PTPRD: variants seen among roughly 807,000 people sequenced by gnomAD.
PTPRD encodes the protein receptor-type tyrosine-protein phosphatase delta.
In PTPRD, 34 loss-of-function variants were observed where a neutral mutation model predicts 214.5. The observed-to-expected ratio is 0.16, with a 90% CI of 0.12 to 0.21. The LOEUF (loss-of-function observed/expected upper bound fraction) is 0.21. Among genes scored for constraint, PTPRD ranks in the 10% least tolerant of loss-of-function variants. PTPRD has a pLI of 1.00. For synonymous variants in PTPRD, 1,128 were observed against 845.7 expected (o/e 1.33, Z -5.79); for missense variants, 2,545 against 2,398.7 (o/e 1.06, Z -1.27).
At chr9:10,189,731 T>C (rs1009818276) in intron 3 of PTPRD, among the ~76,000 whole-genome samples, 2 of 152,104 alleles carry the variant, frequency 1.3e-5, no homozygotes, top group African/African-American at 2.4e-5. Context: ...CAAGGCACTA[T>C]AAGAAAATAC....
intron 10 of PTPRD, among the ~76,000 whole-genome samples, chr9:9,023,403 A>G (rs543324884): frequency 1.3e-5 from 2 of 152,134 alleles, no homozygotes; most frequent in African/African-American, 4.8e-5. Context: ...GCTGAATATG[A>G]ATTTTTGGCA....
chr9:9,405,746 C>T (rs1486770166), intron 8 of PTPRD, among the ~76,000 whole-genome samples: 1 of 151,972 alleles, frequency 6.6e-6, no homozygotes, highest in Non-Finnish European at 1.5e-5. Flanking sequence ...TTGGGGGAGA[C>T]AGTTTAACAA....
Position 8,351,845 on chromosome 9 carries a change from C to T in PTPRD, c.4662-9867G>A, listed in dbSNP as rs563096268. On this transcript the variant is annotated intron_variant, in intron 39 of 45. Coordinates refer to ENST00000381196, the MANE Select transcript of PTPRD (RefSeq NM_002839.4). ...AAAATGTAGTACACTTGAGTGGTGT[C>T]TTCTGAGGATAAAGGAAGTTCACAT... 8.4e-4 allele frequency among the ~76,000 whole-genome samples: 125 copies of T among 149,054 alleles called. 1 individual carries two copies. The highest frequency in any genetic ancestry group is 2.9e-3 in the African/African-American group (115 of 40,068).
chr9:10,414,779 C>A (rs983506043), intron 2 of PTPRD, among the ~76,000 whole-genome samples: 13 of 151,840 alleles, frequency 8.6e-5, no homozygotes, highest in African/African-American at 2.7e-4. Flanking sequence ...GAGATCATAT[C>A]TTTTGTGGAA....
intron 2 of PTPRD, among the ~76,000 whole-genome samples, chr9:10,456,278 T>G (rs928506140): frequency 6.6e-5 from 10 of 151,958 alleles, no homozygotes; most frequent in African/African-American, 2.2e-4. Context: ...TTCATAGCTA[T>G]CATTGTTTAA....
chr9:8,695,220 T>C (rs1254144089), intron 12 of PTPRD, among the ~76,000 whole-genome samples: 1 of 152,154 alleles, frequency 6.6e-6, no homozygotes, highest in East Asian at 1.9e-4. Context: ...TTGGTGCCAA[T>C]CTTGTGAGTA....
chr9:10,529,304 G>T (rs1198928215), intron 2 of PTPRD, among the ~76,000 whole-genome samples: 1 of 152,038 alleles, frequency 6.6e-6, no homozygotes, highest in African/African-American at 2.4e-5. Flanking sequence ...CAATAGCAAA[G>T]ACTTGGAACC....
At chr9:8,487,003 A>G (rs76454520) in intron 27 of PTPRD, among the ~76,000 whole-genome samples, 1 of 152,110 alleles carries the variant, frequency 6.6e-6, no homozygotes, top group Admixed American at 6.5e-5. Context: ...TTAAAAAAAA[A>G]CCAAACTACA....
intron 9 of PTPRD, among the ~76,000 whole-genome samples, chr9:9,335,809 T>G (rs1031997411): frequency 6.6e-6 from 1 of 152,106 alleles, no homozygotes; most frequent in Non-Finnish European, 1.5e-5. Flanking sequence ...CGTAGATGTC[T>G]AAACTTCAAA....
At chr9:9,076,452 T>G (rs1384145785) in intron 10 of PTPRD, among the ~76,000 whole-genome samples, 2 of 152,004 alleles carry the variant, frequency 1.3e-5, no homozygotes, top group Admixed American at 1.3e-4. Context: ...CCCTGTCTAG[T>G]ACTCCTCCCA....
intron 39 of PTPRD, among the ~76,000 whole-genome samples, chr9:8,342,993 G>C (rs1023316788): frequency 6.6e-6 from 1 of 152,044 alleles, no homozygotes; most frequent in Admixed American, 6.6e-5. Flanking sequence ...GGCTCTGGGA[G>C]CTACATGTGA....
intron 30 of PTPRD, among the ~76,000 whole-genome samples, chr9:8,473,448 C>G (rs2096699200): frequency 6.6e-6 from 1 of 152,152 alleles, no homozygotes; most frequent in Admixed American, 6.5e-5. Flanking sequence ...GAGGCTGCAA[C>G]TGAGCGTACA....
chr9:9,259,025 A>G (rs1224579580), intron 9 of PTPRD, among the ~76,000 whole-genome samples: 2 of 150,992 alleles, frequency 1.3e-5, no homozygotes, highest in African/African-American at 2.4e-5. Flanking sequence ...TAGTTTGAAT[A>G]CTCCCCTCTC....
At chr9:9,304,977 G>T (rs1006676675) in intron 9 of PTPRD, among the ~76,000 whole-genome samples, 5 of 145,640 alleles carry the variant, frequency 3.4e-5, no homozygotes, top group Admixed American at 7.1e-5. Flanking sequence ...TCTAGTTGCC[G>T]AACTGTGCTT....
At chr9:9,426,600 A>T in intron 8 of PTPRD, among the ~76,000 whole-genome samples, 1 of 152,144 alleles carries the variant, frequency 6.6e-6, no homozygotes, top group East Asian at 1.9e-4. Flanking sequence ...GAACGGAGAG[A>T]CTGCCTCCTC....
At chr9:10,371,707 T>G (rs1371411389) in intron 2 of PTPRD, among the ~76,000 whole-genome samples, 5 of 152,226 alleles carry the variant, frequency 3.3e-5, no homozygotes. Flanking sequence ...GAAGTAAATG[T>G]GCACATTTGG....
intron 35 of PTPRD, among the ~76,000 whole-genome samples, chr9:8,435,179 G>C (rs936064527): frequency 2.0e-5 from 3 of 152,212 alleles, no homozygotes; most frequent in African/African-American, 7.2e-5. Flanking sequence ...TGGTTTTCCA[G>C]CACAGTAACT....
At chr9:9,779,954 C>G (rs892377543) in intron 5 of PTPRD, among the ~76,000 whole-genome samples, 17 of 152,144 alleles carry the variant, frequency 1.1e-4, no homozygotes, top group African/African-American at 4.1e-4. Context: ...GACACATACG[C>G]TCATATGTTC....
At chr9:9,308,678 C>A (rs1957904719) in intron 9 of PTPRD, among the ~76,000 whole-genome samples, 1 of 152,084 alleles carries the variant, frequency 6.6e-6, no homozygotes, top group African/African-American at 2.4e-5. Context: ...CTTCTATTTA[C>A]CGGCACCTGA....
Sources: allele counts gnomAD v4.1 joint callset (sites outside exome capture counted in the v4.1 genomes callset), GRCh38; gene constraint gnomAD v4.1.1; transcripts MANE v1.5; gene names NCBI Gene and HGNC (gene_info 2026-07-23, HGNC 2026-07-21).